Variants in ST6GALNAC3 observed in about 807,000 individuals in gnomAD.
ST6GALNAC3 encodes the protein ST6 N-acetylgalactosaminide alpha-2,6-sialyltransferase 3.
Under a neutral mutation model 32.7 loss-of-function variants are expected in ST6GALNAC3, and 25 were observed. The ratio of observed to expected loss-of-function variants is 0.76; its 90% CI spans 0.56 to 1.07. The LOEUF (loss-of-function observed/expected upper bound fraction) is 1.07. Among genes scored for constraint, ST6GALNAC3 ranks in the 50% least tolerant of loss-of-function variants. The pLI is 0.00. For synonymous variants in ST6GALNAC3, 129 were observed against 133.1 expected (o/e 0.97, Z 0.21); for missense variants, 355 against 382.4 (o/e 0.93, Z 0.60).
At chr1:76,267,646 A>G (rs1454695145) in intron 1 of ST6GALNAC3, among the ~76,000 whole-genome samples, 1 of 152,224 alleles carries the variant, frequency 6.6e-6, no homozygotes, top group Non-Finnish European at 1.5e-5. Flanking sequence ...TATCTTCATT[A>G]TCACCTCCGT....
At chr1:76,497,261 T>G (rs1660909680) in intron 3 of ST6GALNAC3, among the ~76,000 whole-genome samples, 1 of 152,038 alleles carries the variant, frequency 6.6e-6, no homozygotes. Flanking sequence ...CAGGCAGCTT[T>G]GGGGGGCCAC....
At position 76,437,962 on chromosome 1, in the gene ST6GALNAC3, A is replaced by G. The variant is rs115954679; in HGVS notation, c.623+25545A>G. 2.4e-3 allele frequency among the ~76,000 whole-genome samples: 358 copies of G among 152,034 alleles called. 3 individuals are homozygous for G. Among genetic ancestry groups the G allele is most frequent in the African/African-American group, 7.9e-3 (329 of 41,422 alleles). ...CAATTTTGCATTTTCTCAATTTCTT[A>G]AGGTCGATTCTAAGAATTTACTTGG... On this transcript the variant is annotated intron_variant, in intron 3 of 4. Coordinates refer to ENST00000328299, the MANE Select transcript of ST6GALNAC3 (RefSeq NM_152996.4).
At position 76,509,245 on chromosome 1, in the gene ST6GALNAC3, T is replaced by TA. The variant is rs937756281; in HGVS notation, c.623+96832dup. 8.6e-5 allele frequency among the ~76,000 whole-genome samples: 13 copies of TA among 152,000 alleles called. No homozygotes were observed. Among genetic ancestry groups the TA allele is most frequent in the African/African-American group, 3.1e-4 (13 of 41,364 alleles). On this transcript the variant is annotated intron_variant, in intron 3 of 4. Coordinates refer to ENST00000328299, the MANE Select transcript of ST6GALNAC3 (RefSeq NM_152996.4). This position sits in a 1 kb window ranked among gnomAD's most constrained non-coding sequence, Gnocchi z 5.5. The stretch of plus-strand genomic sequence containing the variant: ...AGGAAAACACAAATTGGAAGATAAA[T>TA]AAAAGGGGCAGCAGGCAGTGAGTAG...
intron 3 of ST6GALNAC3, among the ~76,000 whole-genome samples, chr1:76,475,869 GC>G (rs1183636844): frequency 1.3e-5 from 2 of 151,954 alleles, no homozygotes; most frequent in Admixed American, 1.3e-4. Context: ...CCCCCGACAG[GC>G]CCCGCTGTGT....
At chr1:76,541,412 C>T (rs974902706) in intron 3 of ST6GALNAC3, among the ~76,000 whole-genome samples, 1 of 152,144 alleles carries the variant, frequency 6.6e-6, no homozygotes, top group Non-Finnish European at 1.5e-5. Flanking sequence ...TGATCTTTCC[C>T]GCATCTATGC....
chr1:76,565,848 A>G (rs1001499357), intron 3 of ST6GALNAC3, among the ~76,000 whole-genome samples: 3 of 152,220 alleles, frequency 2.0e-5, no homozygotes, highest in African/African-American at 7.2e-5. Flanking sequence ...AGGGGTGAGC[A>G]CAAAGAAATT....
intron 1 of ST6GALNAC3, among the ~76,000 whole-genome samples, chr1:76,078,090 T>G (rs886769809): frequency 1.3e-5 from 2 of 152,192 alleles, no homozygotes; most frequent in African/African-American, 2.4e-5. Flanking sequence ...ATATTGGAGT[T>G]GTGTTTTGAA....
At chr1:76,489,717 G>A (rs1185377839) in intron 3 of ST6GALNAC3, among the ~76,000 whole-genome samples, 1 of 152,118 alleles carries the variant, frequency 6.6e-6, no homozygotes, top group Non-Finnish European at 1.5e-5. Flanking sequence ...TGCGTTCTCC[G>A]CCCTCTCCAT....
chr1:76,393,608 C>T (rs1051803537), intron 2 of ST6GALNAC3, among the ~76,000 whole-genome samples: 3 of 152,126 alleles, frequency 2.0e-5, no homozygotes, highest in Non-Finnish European at 4.4e-5. Context: ...TTATTACTAG[C>T]ATCTTCTAAG....
intron 1 of ST6GALNAC3, among the ~76,000 whole-genome samples, chr1:76,176,136 A>G (rs1158395360): frequency 1.3e-5 from 2 of 152,144 alleles, no homozygotes; most frequent in Admixed American, 1.3e-4. Flanking sequence ...AAGTTTTCTA[A>G]TGCCTTCCCT....
intron 1 of ST6GALNAC3, among the ~76,000 whole-genome samples, chr1:76,233,769 AT>A (rs1423810553): frequency 6.6e-6 from 1 of 152,140 alleles, no homozygotes; most frequent in Non-Finnish European, 1.5e-5. Context: ...TACAAGTGCA[AT>A]TTTGTTACAT....
chr1:76,253,265 C>T (rs1159752540), intron 1 of ST6GALNAC3, among the ~76,000 whole-genome samples: 1 of 152,132 alleles, frequency 6.6e-6, no homozygotes, highest in Non-Finnish European at 1.5e-5. Context: ...ATTCTTCCTT[C>T]AGTAAATTAG....
chr1:76,217,048 T>A (rs894209711), intron 1 of ST6GALNAC3, among the ~76,000 whole-genome samples: 2 of 152,230 alleles, frequency 1.3e-5, no homozygotes, highest in Non-Finnish European at 2.9e-5. Context: ...TAACACCTCA[T>A]TTTAATTTCA....
chr1:76,290,959 A>T (rs1660048414), intron 1 of ST6GALNAC3, among the ~76,000 whole-genome samples: 1 of 152,208 alleles, frequency 6.6e-6, no homozygotes, highest in African/African-American at 2.4e-5. Context: ...GCACCGTGTT[A>T]TCTAACCACA....
At chr1:76,174,331 G>C (rs752785062) in intron 1 of ST6GALNAC3, among the ~76,000 whole-genome samples, 23 of 152,038 alleles carry the variant, frequency 1.5e-4, no homozygotes, top group Non-Finnish European at 2.8e-4. Context: ...ATGGGGGTGA[G>C]AGGAGGGAAC....
chr1:76,458,917 A>G (rs1025563935), intron 3 of ST6GALNAC3, among the ~76,000 whole-genome samples: 1 of 152,040 alleles, frequency 6.6e-6, no homozygotes, highest in African/African-American at 2.4e-5. Flanking sequence ...GAAAAAAGGA[A>G]AAATAATCTT....
intron 1 of ST6GALNAC3, among the ~76,000 whole-genome samples, chr1:76,310,785 C>T (rs896918464): frequency 6.6e-6 from 1 of 152,194 alleles, no homozygotes; most frequent in African/African-American, 2.4e-5. Context: ...CCCAGCCCAA[C>T]TATATGAAAG....
At chr1:76,081,729 G>T (rs932905226) in intron 1 of ST6GALNAC3, among the ~76,000 whole-genome samples, 1 of 152,106 alleles carries the variant, frequency 6.6e-6, no homozygotes, top group Non-Finnish European at 1.5e-5. Context: ...GGGAGAGTTG[G>T]ATTTACCCTG....
intron 2 of ST6GALNAC3, among the ~76,000 whole-genome samples, chr1:76,347,011 AC>A (rs200181095): frequency 2.0e-5 from 3 of 152,206 alleles, no homozygotes; most frequent in East Asian, 3.9e-4. Context: ...TGGAAATAGA[AC>A]AAAAAAAGAG....
Sources: allele counts gnomAD v4.1 joint callset (sites outside exome capture counted in the v4.1 genomes callset), GRCh38; gene constraint gnomAD v4.1.1; non-coding constraint Gnocchi (gnomAD v3.1); transcripts MANE v1.5; gene names NCBI Gene and HGNC (gene_info 2026-07-23, HGNC 2026-07-21).